The following LRRC4C variants were observed in gnomAD, a reference collection of about 807,000 sequenced individuals.
The protein encoded by LRRC4C is leucine rich repeat containing 4C.
In LRRC4C, 5 loss-of-function variants were observed where a neutral mutation model predicts 33.6. The observed-to-expected ratio is 0.15, with a 90% CI of 0.08 to 0.31. The LOEUF is 0.31. LRRC4C is among the 10% of genes least tolerant of loss of function. The pLI, the probability that LRRC4C is intolerant of heterozygous loss-of-function variation, is 1.00. For missense variants in LRRC4C, 560 were observed against 796.7 expected (o/e 0.70, Z 3.58); for synonymous variants, 329 against 302.0 (o/e 1.09, Z -0.93).
intron 2 of LRRC4C, among the ~76,000 whole-genome samples, chr11:40,673,637 G>A (rs10768622): frequency 0.19 from 28,744 of 152,094 alleles, 3,265 homozygotes; most frequent in East Asian, 0.49. Flanking sequence ...TTCAGGACAA[G>A]AATCCCCATT....
chr11:40,863,894 C>A (rs1954224391), intron 2 of LRRC4C, among the ~76,000 whole-genome samples: 2 of 152,000 alleles, frequency 1.3e-5, no homozygotes, highest in South Asian at 2.1e-4. Flanking sequence ...AGAAAATATT[C>A]TTTACCAATA....
intron 2 of LRRC4C, among the ~76,000 whole-genome samples, chr11:40,915,283 T>G (rs1196386771): frequency 2.0e-5 from 3 of 152,170 alleles, no homozygotes; most frequent in African/African-American, 7.2e-5. Context: ...TCACTCTACC[T>G]GACTTCAAAC....
chr11:40,243,363 G>A (rs1866070821), intron 4 of LRRC4C, among the ~76,000 whole-genome samples: 1 of 152,066 alleles, frequency 6.6e-6, no homozygotes, highest in Non-Finnish European at 1.5e-5. Flanking sequence ...TTTATATTTT[G>A]TGGAACTCAC....
intron 3 of LRRC4C, among the ~76,000 whole-genome samples, chr11:40,420,696 G>A (rs1372406234): frequency 6.6e-6 from 1 of 152,154 alleles, no homozygotes; most frequent in Non-Finnish European, 1.5e-5. Flanking sequence ...CCTGAATGGA[G>A]TGAGTACTAA....
At chr11:41,303,112 C>T (rs1159761871) in intron 1 of LRRC4C, among the ~76,000 whole-genome samples, 2 of 140,658 alleles carry the variant, frequency 1.4e-5, no homozygotes, top group Admixed American at 7.4e-5. Flanking sequence ...TCTCCCTCTC[C>T]CTCTCCCTCA....
intron 1 of LRRC4C, among the ~76,000 whole-genome samples, chr11:41,120,212 T>C (rs1388485439): frequency 6.6e-6 from 1 of 152,080 alleles, no homozygotes; most frequent in Admixed American, 6.5e-5. Flanking sequence ...AGAAAAAAAC[T>C]CACAAATTTT....
intron 5 of LRRC4C, among the ~76,000 whole-genome samples, chr11:40,157,266 G>C (rs1453618419): frequency 7.9e-5 from 12 of 151,992 alleles, no homozygotes; most frequent in Non-Finnish European, 1.2e-4. Context: ...AACACAAGTT[G>C]GATTAAAGAC....
chr11:40,525,415 C>T (rs1956003834), intron 3 of LRRC4C, among the ~76,000 whole-genome samples: 1 of 152,104 alleles, frequency 6.6e-6, no homozygotes, highest in South Asian at 2.1e-4. Context: ...CACTGCACTC[C>T]AGCCTGGGTG....
In LRRC4C at chr11:40,635,628, A is replaced by ATTTTT. The variant is rs71060975; in HGVS notation, c.-270+12509_-270+12513dup. Among the ~76,000 whole-genome samples, 38 of 92,222 alleles carry ATTTTT rather than the reference A, an allele frequency of 4.1e-4. 2 individuals carry two copies. Among genetic ancestry groups the ATTTTT allele is most frequent in the African/African-American group, 1.0e-3 (26 of 24,796 alleles). 60.5% of individuals were successfully genotyped at this position (92,222 alleles called of 152,430 possible). ...ACTCCAGAAATTGAAAAAGAACCAA[A>ATTTTT]TTTTTTTTTTTTTTTTTTTTTTTTT... On this transcript the variant is annotated intron_variant, in intron 3 of 6. Coordinates refer to ENST00000528697, the MANE Select transcript of LRRC4C (RefSeq NM_001258419.2).
intron 1 of LRRC4C, among the ~76,000 whole-genome samples, chr11:41,373,945 G>C (rs1952847438): frequency 6.6e-6 from 1 of 151,986 alleles, no homozygotes; most frequent in Non-Finnish European, 1.5e-5. Context: ...AAATAAAGTT[G>C]GCATGTAGCT....
At chr11:41,023,729 A>C (rs1856144479) in intron 1 of LRRC4C, among the ~76,000 whole-genome samples, 1 of 151,822 alleles carries the variant, frequency 6.6e-6, no homozygotes, top group Admixed American at 6.6e-5. Context: ...AGATCCTTTA[A>C]GTCACACCTA....
intron 5 of LRRC4C, among the ~76,000 whole-genome samples, chr11:40,154,470 C>T (rs918625363): frequency 4.6e-5 from 7 of 152,042 alleles, no homozygotes; most frequent in African/African-American, 1.7e-4. Flanking sequence ...TCAGGAGACT[C>T]ACCTAACACA....
intron 1 of LRRC4C, among the ~76,000 whole-genome samples, chr11:40,970,394 T>TA (rs1851647254): frequency 6.6e-6 from 1 of 152,140 alleles, no homozygotes; most frequent in South Asian, 2.1e-4. Flanking sequence ...AAGACATCCC[T>TA]ACTTCCCCTT....
intron 1 of LRRC4C, among the ~76,000 whole-genome samples, chr11:41,304,646 C>T (rs1950417344): frequency 8.6e-6 from 1 of 116,464 alleles, no homozygotes; most frequent in African/African-American, 3.3e-5. Context: ...TCCGCCCAGC[C>T]AGCCGCCCCA....
intron 4 of LRRC4C, among the ~76,000 whole-genome samples, chr11:40,295,944 T>G (rs772970428): frequency 6.6e-6 from 1 of 152,222 alleles, no homozygotes; most frequent in Non-Finnish European, 1.5e-5. Flanking sequence ...ATTCACTAGC[T>G]GCACTAGATA....
intron 3 of LRRC4C, among the ~76,000 whole-genome samples, chr11:40,603,821 T>G (rs1433034746): frequency 6.6e-6 from 1 of 152,044 alleles, no homozygotes; most frequent in Non-Finnish European, 1.5e-5. Flanking sequence ...AAGGCTGAAG[T>G]GGAGAGAAGC....
intron 3 of LRRC4C, among the ~76,000 whole-genome samples, chr11:40,572,365 A>G (rs1032148125): frequency 1.3e-5 from 2 of 152,188 alleles, no homozygotes; most frequent in African/African-American, 4.8e-5. Flanking sequence ...GTAGCAGTAT[A>G]TCAGCAAGCA....
At chr11:40,996,481 G>T (rs975215299) in intron 1 of LRRC4C, among the ~76,000 whole-genome samples, 2 of 152,142 alleles carry the variant, frequency 1.3e-5, no homozygotes, top group Non-Finnish European at 2.9e-5. Flanking sequence ...TGTGCTTTTG[G>T]AAGGAGATGA....
intron 2 of LRRC4C, among the ~76,000 whole-genome samples, chr11:40,761,456 A>G (rs1949206571): frequency 6.6e-6 from 1 of 152,088 alleles, no homozygotes; most frequent in Non-Finnish European, 1.5e-5. Flanking sequence ...AGAAAGCCTC[A>G]CCTGCAACCT....
Sources: allele counts gnomAD v4.1 joint callset (sites outside exome capture counted in the v4.1 genomes callset), GRCh38; gene constraint gnomAD v4.1.1; transcripts MANE v1.5; gene names NCBI Gene and HGNC (gene_info 2026-07-23, HGNC 2026-07-21).